COL20A1: variants seen among roughly 807,000 people sequenced by gnomAD.
COL20A1 encodes collagen alpha-1(XX) chain.
A neutral mutation model predicts 152.9 loss-of-function variants in COL20A1; 164 were observed. The ratio of observed to expected loss-of-function variants is 1.07; its 90% CI spans 0.94 to 1.22. The LOEUF (loss-of-function observed/expected upper bound fraction) is 1.22, where lower values mean the gene tolerates loss of function less well. Among genes scored for constraint, COL20A1 ranks in the 50% most tolerant of loss-of-function variants. The pLI is 0.00. For synonymous variants in COL20A1, 864 were observed against 756.0 expected (o/e 1.14, Z -2.34); for missense variants, 1,873 against 1,744.8 (o/e 1.07, Z -1.31).
chr20:63,297,082 C>A (rs897085799), intron 2 of COL20A1, among the ~76,000 whole-genome samples: 1 of 152,226 alleles, frequency 6.6e-6, no homozygotes, highest in African/African-American at 2.4e-5. Flanking sequence ...CATGGACGCA[C>A]ACATGTACCA....
chr20:63,307,732 T>C, intron 6 of COL20A1, 84 bp downstream of exon 6: 1 of 1,460,602 alleles, frequency 6.8e-7, no homozygotes, highest in Non-Finnish European at 9.3e-7. Context: ...CCTGTGGGGG[T>C]CCCCGTACCA....
chr20:63,300,525 C>G (rs577848772), intron 3 of COL20A1, among the ~76,000 whole-genome samples: 4 of 152,260 alleles, frequency 2.6e-5, no homozygotes, highest in African/African-American at 7.2e-5. Flanking sequence ...ACCCCATAGA[C>G]TCTATAGTTA....
At position 63,305,955 on chromosome 20, in the gene COL20A1, C is replaced by G; in HGVS notation, c.412C>G (p.Pro138Ala). 6.2e-7 allele frequency: 1 copy of G among 1,612,644 alleles called. No homozygotes were observed. Among genetic ancestry groups the G allele is most frequent in the African/African-American group, 1.3e-5 (1 of 75,054 alleles). ...CGGCTCTGGAGCCCCGGAGCCCACCCCCTCCCACACGGGGAGCCCAGACCC... is the reference window on the plus strand; with the variant it reads ...CGGCTCTGGAGCCCCGGAGCCCACCGCCTCCCACACGGGGAGCCCAGACCC... ...PLGSGAPEPT[P>A]SHTGSPDPEQ... Residue 138 changes from proline to alanine, a missense_variant, in exon 5 of 36, where the codon CCC becomes GCC. Coordinates refer to ENST00000358894, the MANE Select transcript of COL20A1 (RefSeq NM_020882.4). The surrounding 1 kb of genome is among the most constrained non-coding windows in gnomAD (Gnocchi z 4.9).
At position 63,306,132 on chromosome 20, in the gene COL20A1, G is replaced by A. The variant is rs1320882688; in HGVS notation, c.496+93G>A. 2.2e-5 allele frequency: 26 copies of A among 1,175,494 alleles called. No homozygotes were observed. The highest frequency in any genetic ancestry group is 4.6e-5 in the South Asian group (3 of 65,296). 72.8% of individuals were successfully genotyped at this position (1,175,494 alleles called of 1,614,324 possible). A position where few individuals can be genotyped will look rare whatever the true frequency, so the allele number is the denominator to read the frequency against. ...CCATGAGGCCAGGAAGTTCTTCCTCGTGTCTGACCACACGGTCTCTGACCA... is the reference window on the plus strand; with the variant it reads ...CCATGAGGCCAGGAAGTTCTTCCTCATGTCTGACCACACGGTCTCTGACCA... On this transcript the variant is annotated intron_variant, in intron 5 of 35. Transcript: ENST00000358894. The surrounding 1 kb of genome is among the most constrained non-coding windows in gnomAD (Gnocchi z 6.9).
chr20:63,319,817 A>C lies in COL20A1; in HGVS notation c.2916+221A>C, dbSNP rs1394331482. Among the ~76,000 whole-genome samples the C allele has an allele frequency of 6.6e-6, 1 of 152,022 alleles. No homozygotes were observed. Among genetic ancestry groups the C allele is most frequent in the Non-Finnish European group, 1.5e-5 (1 of 67,966 alleles). On this transcript the variant is annotated intron_variant, in intron 23 of 35. Coordinates refer to ENST00000358894, the MANE Select transcript of COL20A1 (RefSeq NM_020882.4). The surrounding 1 kb of genome is among the most constrained non-coding windows in gnomAD (Gnocchi z 4.4). Reference sequence around the variant, plus strand: ...CTCTTTGGGACCCACAGACCCCGGGAGGCTCCTGCAGCAGGTGCCATTTGG... The same window carrying C: ...CTCTTTGGGACCCACAGACCCCGGGCGGCTCCTGCAGCAGGTGCCATTTGG...
At chr20:63,322,211 G>T in intron 27 of COL20A1, 100 bp downstream of exon 27, 2 of 1,002,986 alleles carry the variant, frequency 2.0e-6, no homozygotes, top group Non-Finnish European at 2.8e-6. Context: ...GGAGCTGCAC[G>T]CAGCTTCCCT....
rs1457465441 is a variant in COL20A1, at chr20:63,312,442, C to T, written c.1826C>T (p.Thr609Ile). The T allele has an allele frequency of 6.2e-7, 1 of 1,602,038 alleles. No individual in the cohort carries two copies. The highest frequency in any genetic ancestry group is 8.5e-7 in the Non-Finnish European group (1 of 1,176,288). ...CAGACAGAGGCTCCTGGGAACGCCA[C>T]CTCGGCCACGCTGGGGCCTCTCTCT... ...SGQTEAPGNA[T>I]SATLGPLSSS... Residue 609 changes from threonine to isoleucine, a missense_variant, in exon 15 of 36, where the codon ACC (threonine) becomes ATC (isoleucine). Transcript: ENST00000358894.
chr20:63,307,995 C>T lies in COL20A1; in HGVS notation c.680C>T (p.Ala227Val). Residue 227 changes from alanine to valine, a missense_variant, in exon 7 of 36, where the codon GCT (alanine) becomes GTT (valine). Ala to Val is a moderately conservative substitution (Grantham distance 64, BLOSUM62 0). Transcript: ENST00000358894. ...GGCCTGACTCAGTACAGCGGGGATG[C>T]TCAGACTGAGTGGGACCTGAACTCC... ...QVGLTQYSGD[A>V]QTEWDLNSLS... 6.2e-7 allele frequency: 1 copy of T among 1,612,596 alleles called. No individual in the cohort carries two copies. Among genetic ancestry groups the T allele is most frequent in the Non-Finnish European group, 8.5e-7 (1 of 1,179,720 alleles).
chr20:63,303,082 C>T (rs1488105691), intron 3 of COL20A1, among the ~76,000 whole-genome samples: 2 of 152,126 alleles, frequency 1.3e-5, no homozygotes, highest in African/African-American at 4.8e-5. Context: ...ATTCTTTTAC[C>T]CTTCAAGTAA....
intron 6 of COL20A1, 96 bp downstream of exon 6, chr20:63,307,744 C>T (rs2067946426): frequency 3.6e-6 from 5 of 1,393,452 alleles, no homozygotes; most frequent in Non-Finnish European, 4.9e-6. Flanking sequence ...CCCGTACCAG[C>T]CAGGGCTCTC....
At position 63,305,221 on chromosome 20, in the gene COL20A1, A is replaced by T. The variant is rs1349965617; in HGVS notation, c.194-196A>T. On this transcript the variant is annotated intron_variant, in intron 3 of 35. Transcript: ENST00000358894. The surrounding 1 kb of genome is among the most constrained non-coding windows in gnomAD (Gnocchi z 4.9). ...AGTGACATCTTCTTTTCACCGCCCC[A>T]AGACCCCCATTCTCTGTCACATTAT... 6.6e-6 allele frequency among the ~76,000 whole-genome samples: 1 copy of T among 151,964 alleles called. No individual in the cohort carries two copies. Among genetic ancestry groups the T allele is most frequent in the African/African-American group, 2.4e-5 (1 of 41,360 alleles).
At chr20:63,321,713 T>C (rs2123425686) in intron 26 of COL20A1, among the ~76,000 whole-genome samples, 1 of 152,292 alleles carries the variant, frequency 6.6e-6, no homozygotes, top group East Asian at 1.9e-4. Flanking sequence ...TGCAGCTGCC[T>C]CTGCTCACCC....
At position 63,313,319 on chromosome 20, in the gene COL20A1, CG is replaced by C. The variant is rs2068040986; in HGVS notation, c.2209+71del. On this transcript the variant is annotated intron_variant, in intron 17 of 35. Transcript: ENST00000358894. This position sits in a 1 kb window ranked among gnomAD's most constrained non-coding sequence, Gnocchi z 5.9. ...TGGCCCAGGGGATCCCTGACTCACC[CG>C]CTGCACAGGCCCAGGACCCTAGACT... 1.3e-6 allele frequency: 2 copies of C among 1,505,650 alleles called. No individual in the cohort carries two copies. Among genetic ancestry groups the C allele is most frequent in the African/African-American group, 2.7e-5 (2 of 72,804 alleles). The allele number at this position is 1,505,650 out of a possible 1,614,324, so 93.3% of individuals were successfully genotyped here. A position where few individuals can be genotyped will look rare whatever the true frequency, so the allele number is the denominator to read the frequency against.
intron 8 of COL20A1, 101 bp from the exon 9 acceptor site, chr20:63,309,232 C>A: frequency 1.1e-6 from 1 of 946,062 alleles, no homozygotes; most frequent in Non-Finnish European, 1.5e-6. Flanking sequence ...AGCCCATAGG[C>A]CTCTTTACTC....
chr20:63,307,781 A>T (rs1449989718), intron 6 of COL20A1, 133 bp downstream of exon 6: 11 of 1,214,282 alleles, frequency 9.1e-6, no homozygotes, highest in Non-Finnish European at 1.1e-5. Flanking sequence ...CGCCTGCTCC[A>T]CATGGGGTGT....
rs1293540564 is a variant in COL20A1 at position 63,319,324 on chromosome 20, G to T, written c.2806+124G>T. The T allele has an allele frequency of 8.5e-7, 1 of 1,176,340 alleles. No homozygotes were observed. The highest frequency in any genetic ancestry group is 2.6e-5 in the East Asian group (1 of 39,190). 72.9% of individuals were successfully genotyped at this position (1,176,340 alleles called of 1,614,324 possible). ...CCAGGCCCTCAGCACCCTCTGGGTG[G>T]GAGGCAGGTGTCCCGGGCAGGGGGC... On this transcript the variant is annotated intron_variant, in intron 22 of 35. Transcript: ENST00000358894. This position sits in a 1 kb window ranked among gnomAD's most constrained non-coding sequence, Gnocchi z 4.4.
chr20:63,325,046 C>T, intron 27 of COL20A1: 2 of 335,246 alleles, frequency 6.0e-6, no homozygotes, highest in South Asian at 4.6e-5. Flanking sequence ...TTGGCTCTGC[C>T]ATTCTCTAGC....
intron 31 of COL20A1, chr20:63,327,475 GGT>G (rs1418580458): frequency 1.0e-5 from 2 of 191,874 alleles, no homozygotes; most frequent in African/African-American, 4.7e-5. Flanking sequence ...GGGAGATGGG[GGT>G]GTAGTGTCCC....
At position 63,308,231 on chromosome 20, in the gene COL20A1, G is replaced by T; in HGVS notation, c.775+141G>T. The T allele has an allele frequency of 3.8e-6, 4 of 1,041,150 alleles. No individual in the cohort carries two copies. In the South Asian group the frequency reaches 6.5e-5, roughly 17 times the overall value. 64.5% of individuals were successfully genotyped at this position (1,041,150 alleles called of 1,614,324 possible). A position where few individuals can be genotyped will look rare whatever the true frequency, so the allele number is the denominator to read the frequency against. On this transcript the variant is annotated intron_variant, in intron 7 of 35. Transcript: ENST00000358894. ...TGTTCACACCTTTATAGAGGGCAGAGTCACCCCCTTGTTTACCTTTGATGA... is the reference window on the plus strand; with the variant it reads ...TGTTCACACCTTTATAGAGGGCAGATTCACCCCCTTGTTTACCTTTGATGA...
Sources: allele counts gnomAD v4.1 joint callset (sites outside exome capture counted in the v4.1 genomes callset), GRCh38; gene constraint gnomAD v4.1.1; non-coding constraint Gnocchi (gnomAD v3.1); transcripts MANE v1.5; gene names NCBI Gene and HGNC (gene_info 2026-07-23, HGNC 2026-07-21).